The following DLGAP1 variants were observed in gnomAD, a reference collection of about 807,000 sequenced individuals.
DLGAP1 encodes DLG associated protein 1, also known as disks large-associated protein 1.
In DLGAP1, 11 loss-of-function variants were observed where a neutral mutation model predicts 90.8. That is an observed-to-expected ratio of 0.12 (90% CI 0.08 to 0.20). The LOEUF (loss-of-function observed/expected upper bound fraction) is 0.20, where lower values mean the gene tolerates loss of function less well. Ranked by LOEUF, DLGAP1 falls within the 10% of genes least tolerant of loss-of-function variation. The pLI is 1.00. For synonymous variants in DLGAP1, 558 were observed against 540.7 expected, an observed-to-expected ratio of 1.03 and a Z score of -0.44; for missense variants, 1,050 against 1,333.8, an observed-to-expected ratio of 0.79 and a Z score of 3.31.
intron 3 of DLGAP1, among the ~76,000 whole-genome samples, chr18:4,003,625 C>A (rs1225453492): frequency 6.6e-6 from 1 of 151,756 alleles, no homozygotes; most frequent in Non-Finnish European, 1.5e-5. Context: ...GAAAGTGTCT[C>A]CATCAAAGAA....
intron 3 of DLGAP1, among the ~76,000 whole-genome samples, chr18:3,950,467 T>C (rs972419114): frequency 1.3e-5 from 2 of 152,250 alleles, no homozygotes; most frequent in African/African-American, 4.8e-5. Context: ...GCTAGATTAT[T>C]GGATTAGCAT....
chr18:3,569,236 G>GC (rs2054624695), intron 8 of DLGAP1, among the ~76,000 whole-genome samples: 1 of 151,752 alleles, frequency 6.6e-6, no homozygotes, highest in Admixed American at 6.6e-5. Flanking sequence ...TCCTGACCTC[G>GC]TGATTTGAGT....
chr18:4,420,142 A>G (rs2144673567), intron 1 of DLGAP1, among the ~76,000 whole-genome samples: 1 of 152,352 alleles, frequency 6.6e-6, no homozygotes, highest in East Asian at 1.9e-4. Flanking sequence ...CTAAGAAGAC[A>G]TAACAATTCT....
intron 8 of DLGAP1, among the ~76,000 whole-genome samples, chr18:3,576,786 G>A (rs142603928): frequency 0.036 from 5,345 of 149,468 alleles, 339 homozygotes; most frequent in African/African-American, 0.12. Flanking sequence ...GGCTGATCTC[G>A]AACTCCCAAC....
chr18:3,549,269 T>G (rs1395384491), intron 9 of DLGAP1, among the ~76,000 whole-genome samples: 1 of 151,986 alleles, frequency 6.6e-6, no homozygotes, highest in African/African-American at 2.4e-5. Flanking sequence ...TGTCTGTCCT[T>G]AGGAATGCTG....
At chr18:3,754,869 G>A (rs1246410775) in intron 5 of DLGAP1, among the ~76,000 whole-genome samples, 3 of 151,810 alleles carry the variant, frequency 2.0e-5, no homozygotes, top group Admixed American at 6.6e-5. Context: ...ACATTCCAGC[G>A]TGGCGACAGA....
intron 2 of DLGAP1, among the ~76,000 whole-genome samples, chr18:4,062,748 G>C (rs1396193660): frequency 6.6e-6 from 1 of 152,060 alleles, no homozygotes; most frequent in African/African-American, 2.4e-5. Context: ...GAAAAATTAT[G>C]TTTCAAGAAC....
chr18:3,563,628 C>A (rs2054271615), intron 9 of DLGAP1, among the ~76,000 whole-genome samples: 1 of 152,064 alleles, frequency 6.6e-6, no homozygotes, highest in African/African-American at 2.4e-5. Context: ...CACCACCATA[C>A]CCGGCTAATT....
intron 3 of DLGAP1, among the ~76,000 whole-genome samples, chr18:3,943,953 T>G (rs189510904): frequency 6.6e-6 from 1 of 152,142 alleles, no homozygotes; most frequent in East Asian, 1.9e-4. Flanking sequence ...TCAGAACAAC[T>G]CAACCCTGTG....
chr18:3,813,153 T>C (rs993403386), intron 5 of DLGAP1, among the ~76,000 whole-genome samples: 27 of 152,330 alleles, frequency 1.8e-4, no homozygotes, highest in African/African-American at 6.3e-4. Context: ...ACTACAGTCA[T>C]ATGCTGCACA....
intron 3 of DLGAP1, among the ~76,000 whole-genome samples, chr18:3,966,274 G>GA (rs892804288): frequency 6.6e-6 from 1 of 152,120 alleles, no homozygotes; most frequent in Admixed American, 6.5e-5. Context: ...GGTGGGTGGG[G>GA]AAGTAGTAGG....
rs528079267 is a variant in DLGAP1 at position 3,512,438 on chromosome 18, T to C, written c.2480-3777A>G. On this transcript the variant is annotated intron_variant, in intron 10 of 12. Transcript: ENST00000315677. ...AATGGGATTCTTCCTATTTAAGAAG[T>C]AAGCACTCTTTATAAACTCCCCCAC... Among the ~76,000 whole-genome samples, 4 of 152,234 alleles carry C rather than the reference T, an allele frequency of 2.6e-5. No homozygotes were observed. The East Asian group carries it at 7.7e-4, about 29-fold the overall frequency.
At chr18:3,926,721 T>G (rs549757963) in intron 3 of DLGAP1, among the ~76,000 whole-genome samples, 1 of 152,122 alleles carries the variant, frequency 6.6e-6, no homozygotes, top group Non-Finnish European at 1.5e-5. Context: ...TATTCACATA[T>G]TTCCTAGATC....
intron 4 of DLGAP1, among the ~76,000 whole-genome samples, chr18:3,833,166 CT>C (rs2068138841): frequency 3.0e-4 from 1 of 3,340 alleles, no homozygotes; most frequent in African/African-American, 1.5e-3. Flanking sequence ...TCCTTCCTTC[CT>C]TCCTTCCTTC....
intron 3 of DLGAP1, among the ~76,000 whole-genome samples, chr18:3,991,368 G>A (rs2073964532): frequency 6.6e-6 from 1 of 152,120 alleles, no homozygotes; most frequent in South Asian, 2.1e-4. Flanking sequence ...TAGAGTTCAA[G>A]GAAAAGTTTA....
intron 7 of DLGAP1, among the ~76,000 whole-genome samples, chr18:3,673,682 G>A (rs1302576172): frequency 1.3e-5 from 2 of 151,794 alleles, no homozygotes; most frequent in African/African-American, 4.8e-5. Flanking sequence ...GAGCAGCTGG[G>A]ACTACAGGCA....
intron 1 of DLGAP1, among the ~76,000 whole-genome samples, chr18:4,323,663 T>C (rs1027848355): frequency 2.0e-5 from 3 of 151,952 alleles, no homozygotes; most frequent in Non-Finnish European, 4.4e-5. Context: ...AAACAAATCA[T>C]ACCAACCACA....
intron 1 of DLGAP1, among the ~76,000 whole-genome samples, chr18:4,419,246 G>A (rs2082974195): frequency 6.6e-6 from 1 of 152,104 alleles, no homozygotes; most frequent in East Asian, 1.9e-4. Flanking sequence ...GAACAGCACG[G>A]GAAAGACCCA....
intron 7 of DLGAP1, among the ~76,000 whole-genome samples, chr18:3,712,377 G>A (rs1440883103): frequency 6.6e-6 from 1 of 152,174 alleles, no homozygotes. Flanking sequence ...TACTGGGCAC[G>A]CAGGGTCTCT....
Sources: allele counts gnomAD v4.1 joint callset (sites outside exome capture counted in the v4.1 genomes callset), GRCh38; gene constraint gnomAD v4.1.1; transcripts MANE v1.5; gene names NCBI Gene and HGNC (gene_info 2026-07-23, HGNC 2026-07-21).